Variants in ANO6 observed in about 807,000 individuals in gnomAD.
The protein encoded by ANO6 is anoctamin 6.
In ANO6, 106 loss-of-function variants were observed where a neutral mutation model predicts 117.5. That is an observed-to-expected ratio of 0.90 (90% CI 0.77 to 1.06). The LOEUF (loss-of-function observed/expected upper bound fraction) is 1.06. Ranked by LOEUF, ANO6 falls within the 50% of genes least tolerant of loss-of-function variation. The pLI is 0.00. For synonymous variants in ANO6, 367 were observed against 385.1 expected (o/e 0.95, Z 0.55); for missense variants, 955 against 1,121.1 (o/e 0.85, Z 2.12).
chr12:45,416,811 C>G lies in ANO6; in HGVS notation c.2124C>G (p.Thr708=), dbSNP rs771392714. Reference sequence around the variant, plus strand: ...GAGTGGACGCATGGAAACTGACCACCCAGTTTAGACGCCTGGTACCAGAGA... The same window carrying G: ...GAGTGGACGCATGGAAACTGACCACGCAGTTTAGACGCCTGGTACCAGAGA... ...EIRVDAWKLT[T]QFRRLVPEKA... The change falls in exon 17 of 20, where the codon ACC becomes ACG. Residue 708 remains threonine, a synonymous_variant. Coordinates refer to ENST00000320560, the MANE Select transcript of ANO6 (RefSeq NM_001025356.3). 6.2e-6 allele frequency: 10 copies of G among 1,614,002 alleles called. No homozygotes were observed. The East Asian group carries it at 2.2e-4, about 36-fold the overall frequency.
At chr12:45,264,639 T>C (rs940101651) in intron 1 of ANO6, among the ~76,000 whole-genome samples, 2 of 152,124 alleles carry the variant, frequency 1.3e-5, no homozygotes, top group African/African-American at 4.8e-5. Context: ...TACCAATGGT[T>C]AGTTGGTGAA....
At position 45,429,908 on chromosome 12, in the gene ANO6, T is replaced by C. The variant is rs553449836; in HGVS notation, c.*597T>C. 3.0e-6 allele frequency: 3 copies of C among 988,816 alleles called. No individual in the cohort carries two copies. The highest frequency in any genetic ancestry group is 3.6e-6 in the Non-Finnish European group (3 of 832,054). 61.3% of individuals were successfully genotyped at this position (988,816 alleles called of 1,614,324 possible). On this transcript the variant is annotated 3_prime_UTR_variant, in exon 20 of 20. Transcript: ENST00000320560. The stretch of plus-strand genomic sequence containing the variant: ...GTCTTCATTTGAGCATGTCTTTCCA[T>C]CTCAAAAAAATACTCTTAGTAGGTT...
chr12:45,322,548 C>T (rs1377976740), intron 2 of ANO6, among the ~76,000 whole-genome samples: 1 of 152,088 alleles, frequency 6.6e-6, no homozygotes, highest in African/African-American at 2.4e-5. Context: ...ACTTGCTGAG[C>T]ATATTGGTTT....
intron 1 of ANO6, among the ~76,000 whole-genome samples, chr12:45,271,286 A>G (rs998798412): frequency 4.6e-5 from 7 of 152,236 alleles, no homozygotes; most frequent in Admixed American, 4.6e-4. Context: ...CCTAACAACA[A>G]AAAGTTGTCT....
At position 45,430,133 on chromosome 12, in the gene ANO6, C is replaced by A. The variant is rs1046718949; in HGVS notation, c.*822C>A. On this transcript the variant is annotated 3_prime_UTR_variant, in exon 20 of 20. Transcript: ENST00000320560. The stretch of plus-strand genomic sequence containing the variant: ...ACTCATGTTGATCTGGATAATTAAT[C>A]TTTTCTAAAGATGTGTAGTTTCTTG... 35 of 985,240 alleles carry A rather than the reference C, an allele frequency of 3.6e-5. No individual in the cohort carries two copies. The highest frequency in any genetic ancestry group is 1.1e-5 in the Non-Finnish European group (9 of 829,888). 61.0% of individuals were successfully genotyped at this position (985,240 alleles called of 1,614,324 possible). A position where few individuals can be genotyped will look rare whatever the true frequency, so the allele number is the denominator to read the frequency against.
chr12:45,413,698 T>C (rs1458856798), intron 16 of ANO6, among the ~76,000 whole-genome samples: 3 of 151,910 alleles, frequency 2.0e-5, no homozygotes, highest in African/African-American at 7.3e-5. Context: ...CAGAGAAGGC[T>C]TGGGAGATGA....
chr12:45,269,745 C>T (rs1938333577), intron 1 of ANO6, among the ~76,000 whole-genome samples: 1 of 152,214 alleles, frequency 6.6e-6, no homozygotes, highest in Non-Finnish European at 1.5e-5. Context: ...TTGGATTGGG[C>T]ATTTCCCACT....
intron 12 of ANO6, among the ~76,000 whole-genome samples, chr12:45,401,183 T>C (rs753048705): frequency 6.6e-6 from 1 of 152,212 alleles, no homozygotes; most frequent in Non-Finnish European, 1.5e-5. Context: ...AACAGTTAGC[T>C]CAGGGCACCT....
In ANO6 at chr12:45,431,016, A is replaced by G; in HGVS notation, c.*1705A>G. The G allele has an allele frequency of 1.0e-6, 1 of 985,460 alleles. No individual in the cohort carries two copies. The highest frequency in any genetic ancestry group is 1.2e-6 in the Non-Finnish European group (1 of 829,942). The allele number at this position is 985,460 out of a possible 1,614,324, so 61.0% of individuals were successfully genotyped here. On this transcript the variant is annotated 3_prime_UTR_variant, in exon 20 of 20. Coordinates refer to ENST00000320560, the MANE Select transcript of ANO6 (RefSeq NM_001025356.3). ...CAATAAAGTAGCGTAACTCTAGGTC[A>G]TGATTGATTTCAAATGCCTGCCATG...
intron 5 of ANO6, 52 bp downstream of exon 5, chr12:45,348,367 G>A (rs767609027): frequency 6.8e-6 from 11 of 1,611,220 alleles, no homozygotes; most frequent in Admixed American, 1.7e-5. Context: ...GGAACCTGCT[G>A]TTTTGTGGTT....
chr12:45,381,077 C>T (rs1388138478), intron 10 of ANO6, among the ~76,000 whole-genome samples: 1 of 152,220 alleles, frequency 6.6e-6, no homozygotes, highest in Non-Finnish European at 1.5e-5. Context: ...CCTTCAGCAG[C>T]AAACTCTTAC....
Position 45,403,067 on chromosome 12 carries a change from T to C in ANO6, c.1613-5T>C, listed in dbSNP as rs767050145. 2 of 1,613,612 alleles carry C rather than the reference T, an allele frequency of 1.2e-6. No homozygotes were observed. The highest frequency in any genetic ancestry group is 1.7e-6 in the Non-Finnish European group (2 of 1,179,774). On this transcript the variant is annotated splice_polypyrimidine_tract_variant and splice_region_variant and intron_variant, in intron 13 of 19. Transcript: ENST00000320560. ...AAATCTTATTTCTCTTTCTTTTAACTACAGAACTCCCAAGGACCCAGACTG... is the reference window on the plus strand; with the variant it reads ...AAATCTTATTTCTCTTTCTTTTAACCACAGAACTCCCAAGGACCCAGACTG...
intron 1 of ANO6, among the ~76,000 whole-genome samples, chr12:45,279,387 G>C (rs1213189452): frequency 1.3e-5 from 2 of 152,158 alleles, no homozygotes; most frequent in Non-Finnish European, 2.9e-5. Flanking sequence ...TTGTGTTACT[G>C]TCTCTCCTCC....
intron 7 of ANO6, among the ~76,000 whole-genome samples, chr12:45,351,363 C>G (rs947154080): frequency 3.9e-5 from 6 of 152,196 alleles, no homozygotes; most frequent in African/African-American, 1.4e-4. Context: ...TCACAAGATA[C>G]AATGACTAGC....
At chr12:45,354,074 G>GA (rs1941351358) in intron 7 of ANO6, among the ~76,000 whole-genome samples, 3 of 152,094 alleles carry the variant, frequency 2.0e-5, no homozygotes, top group Non-Finnish European at 4.4e-5. Context: ...AATCTGAGAA[G>GA]TACTTCCAGA....
At chr12:45,232,156 TAAGG>T (rs1347008910) in intron 1 of ANO6, among the ~76,000 whole-genome samples, 1 of 152,204 alleles carries the variant, frequency 6.6e-6, no homozygotes, top group Non-Finnish European at 1.5e-5. Flanking sequence ...GGTGTAGAGA[TAAGG>T]AAGCAGATAG....
At chr12:45,261,822 C>T (rs534860783) in intron 1 of ANO6, among the ~76,000 whole-genome samples, 28 of 152,234 alleles carry the variant, frequency 1.8e-4, no homozygotes, top group African/African-American at 2.2e-4. Context: ...AGCATACTTA[C>T]GGTGCATCAC....
intron 1 of ANO6, among the ~76,000 whole-genome samples, chr12:45,216,958 G>A (rs1343087677): frequency 1.3e-5 from 2 of 152,188 alleles, no homozygotes; most frequent in Non-Finnish European, 2.9e-5. Flanking sequence ...GAGCCCACCG[G>A]AGCTGTGATC....
intron 16 of ANO6, 65 bp from the exon 17 acceptor site, chr12:45,416,634 T>C: frequency 6.6e-7 from 1 of 1,506,242 alleles, no homozygotes; most frequent in East Asian, 2.3e-5. Context: ...CTTTCAAGAG[T>C]AAAGGAAAAT....
Sources: gnomAD v4.1 joint callset for allele counts (sites outside exome capture counted in the v4.1 genomes callset) on GRCh38, gnomAD v4.1.1 for gene constraint, MANE v1.5 for transcripts, NCBI Gene and HGNC (gene_info 2026-07-23, HGNC 2026-07-21) for gene names.